The following SLC9A4 variants were observed in gnomAD, a reference collection of about 807,000 sequenced individuals.
The protein encoded by SLC9A4 is solute carrier family 9 member A4.
In SLC9A4, 63 loss-of-function variants were observed where a neutral mutation model predicts 67.4. The observed-to-expected ratio is 0.93, with a 90% CI of 0.76 to 1.15. SLC9A4 has a LOEUF of 1.15. Among genes scored for constraint, SLC9A4 ranks in the 50% most tolerant of loss-of-function variants. The pLI is 0.00. For synonymous variants in SLC9A4, 393 were observed against 367.2 expected (o/e 1.07, Z -0.80); for missense variants, 1,089 against 987.7 (o/e 1.10, Z -1.38).
chr2:102,504,234 A>G (rs939117982), intron 3 of SLC9A4, among the ~76,000 whole-genome samples: 2 of 152,034 alleles, frequency 1.3e-5, no homozygotes, highest in African/African-American at 4.8e-5. Context: ...TTGTATTTTT[A>G]GTGGCGACGG....
chr2:102,514,359 A>G (rs1685231721), intron 8 of SLC9A4, 108 bp downstream of exon 8: 1 of 678,130 alleles, frequency 1.5e-6, no homozygotes, highest in South Asian at 3.6e-5. Context: ...GCAGAAATAT[A>G]AAGAAGAAAT....
chr2:102,513,624 C>T (rs771395585), intron 7 of SLC9A4, among the ~76,000 whole-genome samples: 21 of 152,204 alleles, frequency 1.4e-4, no homozygotes, highest in Non-Finnish European at 2.4e-4. Context: ...TGGGGCAAAA[C>T]TACTGTAACT....
At chr2:102,512,465 G>A (rs1470334696) in intron 7 of SLC9A4, among the ~76,000 whole-genome samples, 192 bp downstream of exon 7, 1 of 152,202 alleles carries the variant, frequency 6.6e-6, no homozygotes, top group African/African-American at 2.4e-5. Context: ...GGTGGAAGAC[G>A]CAGTTGACTT....
At chr2:102,509,843 A>G (rs963241140) in intron 6 of SLC9A4, among the ~76,000 whole-genome samples, 1 of 152,184 alleles carries the variant, frequency 6.6e-6, no homozygotes, top group Admixed American at 6.5e-5. Flanking sequence ...CTTTCAAAAA[A>G]CTATGGAGAT....
At chr2:102,495,659 A>G (rs577215518) in intron 2 of SLC9A4, among the ~76,000 whole-genome samples, 2 of 152,292 alleles carry the variant, frequency 1.3e-5, no homozygotes, top group East Asian at 3.9e-4. Flanking sequence ...TATTAATTAA[A>G]GAATAGAGAT....
At chr2:102,517,479 G>A (rs1286240666) in intron 8 of SLC9A4, among the ~76,000 whole-genome samples, 4 of 152,148 alleles carry the variant, frequency 2.6e-5, no homozygotes, top group African/African-American at 9.7e-5. Context: ...CTGAAGAGAG[G>A]TTGATTGATG....
At chr2:102,474,093 G>T in intron 1 of SLC9A4, 78 bp downstream of exon 1, 1 of 1,498,676 alleles carries the variant, frequency 6.7e-7, no homozygotes, top group Non-Finnish European at 9.0e-7. Flanking sequence ...TATAGATAAC[G>T]GGCTAAGAGG....
At chr2:102,504,242 C>T (rs1203779204) in intron 3 of SLC9A4, among the ~76,000 whole-genome samples, 3 of 151,998 alleles carry the variant, frequency 2.0e-5, no homozygotes, top group Non-Finnish European at 2.9e-5. Context: ...TTAGTGGCGA[C>T]GGGGTTTCAC....
chr2:102,511,860 TTTA>T (rs1197910609), intron 6 of SLC9A4, among the ~76,000 whole-genome samples: 2 of 151,754 alleles, frequency 1.3e-5, no homozygotes, highest in Non-Finnish European at 2.9e-5. Flanking sequence ...TATGATATAT[TTTA>T]TTATTATTAA....
At chr2:102,524,912 C>A (rs973003062) in intron 9 of SLC9A4, 112 bp from the exon 10 acceptor site, 7 of 1,307,020 alleles carry the variant, frequency 5.4e-6, no homozygotes, top group Non-Finnish European at 7.5e-6. Context: ...AGCTGACCTC[C>A]AAGGTGCTCA....
Position 102,479,162 on chromosome 2 carries a change from C to T in SLC9A4, c.580C>T (p.Leu194=). ...KAFGLGDVNL[L]QNLLFGSLIS... The stretch of plus-strand genomic sequence containing the variant: ...CTTTGGCCTGGGCGACGTCAACCTG[C>T]TGCAGAACCTGCTGTTCGGCAGCCT... Residue 194 remains leucine (L), a synonymous_variant, in exon 2 of 12, where the codon CTG becomes TTG. Transcript: ENST00000295269. The T allele has an allele frequency of 6.2e-7, 1 of 1,614,190 alleles. No homozygotes were observed. The highest frequency in any genetic ancestry group is 8.5e-7 in the Non-Finnish European group (1 of 1,180,014).
In SLC9A4 at chr2:102,493,690, TC is replaced by T. The variant is rs374456842; in HGVS notation, c.721-9756del. Among the ~76,000 whole-genome samples the T allele has an allele frequency of 4.6e-4, 70 of 151,900 alleles. No homozygotes were observed. In the East Asian group the frequency reaches 8.7e-3, roughly 19 times the overall value. ...ACCACTCCAGTTAGCTTCCATATCA[TC>T]CACTCAATTATCCTTTCCCTACTCT... On this transcript the variant is annotated intron_variant, in intron 2 of 11. Transcript: ENST00000295269.
At chr2:102,522,386 C>A (rs936284498) in intron 9 of SLC9A4, among the ~76,000 whole-genome samples, 15 of 152,102 alleles carry the variant, frequency 9.9e-5, no homozygotes, top group Non-Finnish European at 2.1e-4. Flanking sequence ...GCAAGCTCCA[C>A]TATAACACAG....
chr2:102,496,312 A>T (rs1364311869), intron 2 of SLC9A4, among the ~76,000 whole-genome samples: 2 of 152,208 alleles, frequency 1.3e-5, no homozygotes, highest in Non-Finnish European at 2.9e-5. Flanking sequence ...ATTAAATCAC[A>T]GTGAAATGCC....
In SLC9A4 at chr2:102,532,436, C is replaced by T; in HGVS notation, c.2145C>T (p.Ser715=). 2 of 1,614,130 alleles carry T rather than the reference C, an allele frequency of 1.2e-6. No individual in the cohort carries two copies. Among genetic ancestry groups the T allele is most frequent in the Non-Finnish European group, 1.7e-6 (2 of 1,180,024 alleles). ...CACAAGAAATAATACCAATGAAGAG[C>T]CTACACAGAGGAAGGAAGGCATTCA... ...QEAQEIIPMK[S]LHRGRKAFSF... is the part of the protein sequence containing the mutation. The change falls in exon 12 of 12, where the codon AGC becomes AGT. Residue 715 remains serine (S), a synonymous_variant. Coordinates refer to ENST00000295269, the MANE Select transcript of SLC9A4 (RefSeq NM_001011552.4).
chr2:102,515,595 G>A (rs1367748614), intron 8 of SLC9A4, among the ~76,000 whole-genome samples: 1 of 151,688 alleles, frequency 6.6e-6, no homozygotes, highest in Admixed American at 6.6e-5. Flanking sequence ...GCTGCATCAT[G>A]GTGGAGCCCC....
At chr2:102,491,391 A>G (rs1224370502) in intron 2 of SLC9A4, among the ~76,000 whole-genome samples, 1 of 144,748 alleles carries the variant, frequency 6.9e-6, no homozygotes, top group Non-Finnish European at 1.5e-5. Context: ...GGTAATTTAT[A>G]AAGAAAAAGA....
intron 2 of SLC9A4, among the ~76,000 whole-genome samples, chr2:102,487,630 G>A (rs1004162350): frequency 6.6e-6 from 1 of 152,198 alleles, no homozygotes; most frequent in Non-Finnish European, 1.5e-5. Context: ...CAGAATGGTT[G>A]AAGTTTGAAT....
At chr2:102,514,732 G>A (rs867570948) in intron 8 of SLC9A4, among the ~76,000 whole-genome samples, 38 of 152,296 alleles carry the variant, frequency 2.5e-4, no homozygotes, top group African/African-American at 9.1e-4. Flanking sequence ...GGTGGTCTAT[G>A]TAAAGAGAAA....
Sources: gnomAD v4.1 joint callset for allele counts (sites outside exome capture counted in the v4.1 genomes callset) on GRCh38, gnomAD v4.1.1 for gene constraint, MANE v1.5 for transcripts, NCBI Gene and HGNC (gene_info 2026-07-23, HGNC 2026-07-21) for gene names.